GALNT13: variants seen among roughly 807,000 people sequenced by gnomAD.
The protein encoded by GALNT13 is polypeptide N-acetylgalactosaminyltransferase 13.
In GALNT13, 28 loss-of-function variants were observed where a neutral mutation model predicts 64.2. The observed-to-expected ratio is 0.44, with a 90% confidence interval of 0.32 to 0.60. The LOEUF (loss-of-function observed/expected upper bound fraction) is 0.60. GALNT13 is among the 20% of genes least tolerant of loss of function. The pLI, the probability that GALNT13 is intolerant of heterozygous loss-of-function variation, is 0.05. For synonymous variants in GALNT13, 214 were observed against 224.6 expected, an observed-to-expected ratio of 0.95 and a Z score of 0.42; for missense variants, 577 against 669.8, an observed-to-expected ratio of 0.86 and a Z score of 1.53.
chr2:153,235,185 C>T, the GALNT13 span, among the ~76,000 whole-genome samples: 1 of 152,090 alleles, frequency 6.6e-6, no homozygotes, highest in African/African-American at 2.4e-5. Flanking sequence ...TATTCTGAGA[C>T]ATAACAATAT....
chr2:153,684,824 G>T, the GALNT13 span, among the ~76,000 whole-genome samples: 2 of 151,336 alleles, frequency 1.3e-5, no homozygotes, highest in African/African-American at 4.9e-5. Context: ...CTTCCAAAAG[G>T]CCCCATTGTG....
the GALNT13 span, among the ~76,000 whole-genome samples, chr2:153,568,550 A>G: frequency 6.6e-6 from 1 of 152,222 alleles, no homozygotes; most frequent in African/African-American, 2.4e-5. Flanking sequence ...CCTCTACAAT[A>G]GTACAATTTT....
the GALNT13 span, among the ~76,000 whole-genome samples, chr2:153,627,219 T>A: frequency 6.6e-6 from 1 of 152,068 alleles, no homozygotes; most frequent in Non-Finnish European, 1.5e-5. Context: ...TCCTTAGTGA[T>A]GTCATTAAGC....
At chr2:153,350,362 T>C in the GALNT13 span, among the ~76,000 whole-genome samples, 1 of 150,930 alleles carries the variant, frequency 6.6e-6, no homozygotes, top group Non-Finnish European at 1.5e-5. Flanking sequence ...ATTTTATTTA[T>C]GCATGGTCTG....
the GALNT13 span, among the ~76,000 whole-genome samples, chr2:153,491,141 GATGAA>G: frequency 1.3e-5 from 2 of 151,858 alleles, no homozygotes; most frequent in Non-Finnish European, 2.9e-5. Flanking sequence ...CTAATTAGGA[GATGAA>G]ATGAAAAAAG....
the GALNT13 span, among the ~76,000 whole-genome samples, chr2:153,857,074 C>T: frequency 6.6e-6 from 1 of 152,050 alleles, no homozygotes; most frequent in African/African-American, 2.4e-5. Context: ...CTTTGGGAAA[C>T]TGAAGGGAAT....
At chr2:154,390,149 C>A (rs1332433030) in intron 9 of GALNT13, among the ~76,000 whole-genome samples, 2 of 152,112 alleles carry the variant, frequency 1.3e-5, no homozygotes, top group East Asian at 3.9e-4. Context: ...CATCTAATAT[C>A]TATTTAAAAT....
chr2:153,715,068 G>GCATA, the GALNT13 span, among the ~76,000 whole-genome samples: 3 of 118,886 alleles, frequency 2.5e-5, no homozygotes, highest in African/African-American at 1.3e-4. Flanking sequence ...GGCTCTGGGG[G>GCATA]CATCATTCTT....
the GALNT13 span, among the ~76,000 whole-genome samples, chr2:153,648,307 C>A: frequency 6.6e-6 from 1 of 152,136 alleles, no homozygotes; most frequent in Admixed American, 6.6e-5. Context: ...GATTTTTGCA[C>A]ATTGATTTTG....
the GALNT13 span, among the ~76,000 whole-genome samples, chr2:153,803,513 A>G: frequency 3.9e-5 from 6 of 152,122 alleles, no homozygotes; most frequent in African/African-American, 1.4e-4. Flanking sequence ...TAACACGGTG[A>G]AACCCCGTCT....
intron 4 of GALNT13, among the ~76,000 whole-genome samples, chr2:154,206,172 A>AT (rs1434683594): frequency 6.7e-5 from 10 of 150,244 alleles, no homozygotes; most frequent in Non-Finnish European, 1.3e-4. Context: ...TAATTTTTCT[A>AT]TTTTTTTTAT....
intron 9 of GALNT13, among the ~76,000 whole-genome samples, chr2:154,315,423 AG>A (rs1361588361): frequency 6.6e-6 from 1 of 152,196 alleles, no homozygotes; most frequent in African/African-American, 2.4e-5. Flanking sequence ...TAAAAACAGA[AG>A]GGGAAACAAT....
At chr2:153,555,492 C>T in the GALNT13 span, among the ~76,000 whole-genome samples, 2 of 104,560 alleles carry the variant, frequency 1.9e-5, no homozygotes, top group Non-Finnish European at 4.1e-5. Context: ...CCGCGCCCGG[C>T]CCAGAAGCTT....
At position 154,177,309 on chromosome 2, in the gene GALNT13, T is replaced by C. The variant is rs185117970; in HGVS notation, c.311+36804T>C. 6.9e-3 allele frequency among the ~76,000 whole-genome samples: 1,046 copies of C among 152,128 alleles called. 9 individuals are homozygous for C. The highest frequency in any genetic ancestry group is 0.024 in the African/African-American group (1,012 of 41,508). On this transcript the variant is annotated intron_variant, in intron 4 of 12. Coordinates refer to ENST00000392825, the MANE Select transcript of GALNT13 (RefSeq NM_052917.4). ...ATTAAAGAAGACAGGCTTAGAAAGG[T>C]TATATATAGTTGAAACTCTATGGTT...
chr2:153,963,689 T>TTC (rs1307960783), intron 3 of GALNT13, among the ~76,000 whole-genome samples: 1 of 149,706 alleles, frequency 6.7e-6, no homozygotes, highest in African/African-American at 2.5e-5. Context: ...GAGCATCAAT[T>TTC]TCTCTCTCTC....
chr2:153,850,211 A>G, the GALNT13 span, among the ~76,000 whole-genome samples: 1 of 151,540 alleles, frequency 6.6e-6, no homozygotes, highest in Non-Finnish European at 1.5e-5. Flanking sequence ...AGAAAAAGAA[A>G]AGGAAAGAAA....
the GALNT13 span, among the ~76,000 whole-genome samples, chr2:153,254,982 G>T: frequency 6.6e-6 from 1 of 151,914 alleles, no homozygotes; most frequent in African/African-American, 2.4e-5. Context: ...ATGTCTATTA[G>T]GTCCACTTGG....
chr2:154,449,635 TA>T (rs1455929588), intron 12 of GALNT13, among the ~76,000 whole-genome samples: 2 of 151,860 alleles, frequency 1.3e-5, no homozygotes, highest in Non-Finnish European at 2.9e-5. Context: ...TTAGTATGTA[TA>T]AATCATGTTG....
chr2:153,132,153 G>C, the GALNT13 span, among the ~76,000 whole-genome samples: 99 of 152,282 alleles, frequency 6.5e-4, no homozygotes, highest in African/African-American at 2.2e-3. Context: ...CAAACCTGGA[G>C]AGGACCAATA....
Sources: allele counts gnomAD v4.1 joint callset (sites outside exome capture counted in the v4.1 genomes callset), GRCh38; gene constraint gnomAD v4.1.1; transcripts MANE v1.5; gene names NCBI Gene and HGNC (gene_info 2026-07-23, HGNC 2026-07-21).